PRDM5: variants seen among roughly 807,000 people sequenced by gnomAD.
The protein encoded by PRDM5 is PR domain zinc finger protein 5.
Under a neutral mutation model 81.2 loss-of-function variants are expected in PRDM5, and 56 were observed. That is an observed-to-expected ratio of 0.69 (90% confidence interval 0.56 to 0.86). The LOEUF (loss-of-function observed/expected upper bound fraction) is 0.86. PRDM5 is among the 40% of genes least tolerant of loss of function. The pLI is 0.00. For missense variants in PRDM5, 697 were observed against 770.1 expected (o/e 0.91, Z 1.12); for synonymous variants, 267 against 256.4 (o/e 1.04, Z -0.39).
At chr4:120,882,165 G>C (rs921442298) in intron 2 of PRDM5, among the ~76,000 whole-genome samples, 1 of 152,200 alleles carries the variant, frequency 6.6e-6, no homozygotes, top group Admixed American at 6.5e-5. Context: ...ATGGTGCCAG[G>C]AGAGTGTGTC....
chr4:120,759,520 A>G (rs145376570), intron 13 of PRDM5, among the ~76,000 whole-genome samples: 12 of 152,326 alleles, frequency 7.9e-5, no homozygotes, highest in Non-Finnish European at 1.3e-4. Context: ...TTGCATATTA[A>G]AGATAAATTG....
chr4:120,901,842 C>G lies in PRDM5; in HGVS notation c.177+5632G>C, dbSNP rs574533885. On this transcript the variant is annotated intron_variant, in intron 2 of 15. Transcript: ENST00000264808. ...GACCACCCAGTGTACTGAACTGTGG[C>G]ATAGCATATGACTCCACTTGCATCA... Among the ~76,000 whole-genome samples, 3 of 152,288 alleles carry G rather than the reference C, an allele frequency of 2.0e-5. No homozygotes were observed. In the East Asian group the frequency reaches 5.8e-4, roughly 29 times the overall value.
rs750569287 is a variant in PRDM5 at position 120,816,510 on chromosome 4, C to T, written c.808G>A (p.Gly270Arg). ...GCATCCTTGCTCTTCAGCCTCTTTC[C>T]ACAGCTGTCAGCCTTGCACACAAAC... ...ARFVCKADSCGKRLKSKDALK... is the reference protein window; with the variant it reads ...ARFVCKADSCRKRLKSKDALK... The change falls in exon 7 of 16, where the codon GGA (glycine) becomes AGA (arginine). Residue 270 changes from glycine (G) to arginine (R), a missense_variant. Transcript: ENST00000264808. 3.7e-6 allele frequency: 6 copies of T among 1,614,168 alleles called. No individual in the cohort carries two copies. The Admixed American group carries it at 5.0e-5, about 13-fold the overall frequency.
At chr4:120,905,317 G>A (rs1765674590) in intron 2 of PRDM5, among the ~76,000 whole-genome samples, 1 of 152,276 alleles carries the variant, frequency 6.6e-6, no homozygotes, top group South Asian at 2.1e-4. Flanking sequence ...GTAATACACT[G>A]ATAGTTTTAT....
Position 120,846,055 on chromosome 4 carries a change from TA to T in PRDM5, c.300+7362del, listed in dbSNP as rs1758618423. 2.6e-5 allele frequency among the ~76,000 whole-genome samples: 4 copies of T among 152,206 alleles called. No individual in the cohort carries two copies. The South Asian group carries it at 8.3e-4, about 32-fold the overall frequency. On this transcript the variant is annotated intron_variant, in intron 3 of 15. Coordinates refer to ENST00000264808, the MANE Select transcript of PRDM5 (RefSeq NM_018699.4). ...TGACTAAATTGATGTAATCTCATGA[TA>T]AAACTTGTATAGATGAGGAGTTGCT... is the stretch of plus-strand genomic sequence containing the variant.
chr4:120,883,453 T>C (rs1763064722), intron 2 of PRDM5, among the ~76,000 whole-genome samples: 1 of 152,064 alleles, frequency 6.6e-6, no homozygotes, highest in Admixed American at 6.6e-5. Context: ...TGCTAATGGT[T>C]TTACTTCTAA....
At chr4:120,738,136 T>C (rs529026078) in intron 14 of PRDM5, among the ~76,000 whole-genome samples, 8 of 152,318 alleles carry the variant, frequency 5.3e-5, no homozygotes, top group African/African-American at 1.9e-4. Context: ...AAGTCCCAAA[T>C]AGGGAACGTC....
At chr4:120,719,233 A>T (rs1738240048) in intron 14 of PRDM5, among the ~76,000 whole-genome samples, 1 of 152,216 alleles carries the variant, frequency 6.6e-6, no homozygotes, top group South Asian at 2.1e-4. Context: ...ACATTGCCAA[A>T]CGTCCCCTGG....
At chr4:120,858,675 A>G (rs554106052) in intron 2 of PRDM5, among the ~76,000 whole-genome samples, 1 of 152,234 alleles carries the variant, frequency 6.6e-6, no homozygotes, top group African/African-American at 2.4e-5. Context: ...GCTAATTGCT[A>G]TCTGGTAATC....
In PRDM5 at chr4:120,880,946, G is replaced by GA. The variant is rs143573981; in HGVS notation, c.177+26527dup. Reference sequence around the variant, plus strand: ...AGTTCAACGAAATATTGTATAAATTGAAAAACAACACTAAGCTTACCATTA... The same window carrying GA: ...AGTTCAACGAAATATTGTATAAATTGAAAAAACAACACTAAGCTTACCATTA... On this transcript the variant is annotated intron_variant, in intron 2 of 15. Coordinates refer to ENST00000264808, the MANE Select transcript of PRDM5 (RefSeq NM_018699.4). Among the ~76,000 whole-genome samples, 1,456 of 152,210 alleles carry GA rather than the reference G, an allele frequency of 9.6e-3. 18 individuals are homozygous for GA. The highest frequency in any genetic ancestry group is 0.033 in the African/African-American group (1,378 of 41,556).
chr4:120,743,673 C>CCAACAAAGATCAAAAG (rs1742481966), intron 14 of PRDM5, among the ~76,000 whole-genome samples: 1 of 74,262 alleles, frequency 1.3e-5, no homozygotes, highest in Admixed American at 1.5e-4. Flanking sequence ...AAGATCAAAA[C>CCAACAAAGATCAAAAG]AGACAAAGAA....
rs1734096597 is a variant in PRDM5 at position 120,692,196 on chromosome 4, G to T, written c.*2915C>A. On this transcript the variant is annotated 3_prime_UTR_variant, in exon 16 of 16. Coordinates refer to ENST00000264808, the MANE Select transcript of PRDM5 (RefSeq NM_018699.4). ...TCCTTTCATGCTTTTGTTTGAGAAA[G>T]GAAGCAGCACATAAAATCTAAAACA... The T allele has an allele frequency of 6.6e-6, 1 of 152,004 alleles. No homozygotes were observed. Among genetic ancestry groups the T allele is most frequent in the African/African-American group, 2.4e-5 (1 of 41,402 alleles). The allele number at this position is 152,004 out of a possible 1,614,324, so 9.4% of individuals were successfully genotyped here.
chr4:120,725,577 A>G (rs913677773), intron 14 of PRDM5, among the ~76,000 whole-genome samples: 1 of 152,192 alleles, frequency 6.6e-6, no homozygotes, highest in South Asian at 2.1e-4. Context: ...AACTTATTTC[A>G]AAAACCATGG....
chr4:120,740,036 T>C (rs992021096), intron 14 of PRDM5, among the ~76,000 whole-genome samples: 2 of 152,216 alleles, frequency 1.3e-5, no homozygotes, highest in African/African-American at 2.4e-5. Flanking sequence ...AAATGCCTTA[T>C]TGTGATAGAA....
intron 2 of PRDM5, among the ~76,000 whole-genome samples, chr4:120,899,066 C>T (rs1311047686): frequency 1.3e-5 from 2 of 152,198 alleles, no homozygotes; most frequent in Non-Finnish European, 2.9e-5. Flanking sequence ...ACTTCCTCCT[C>T]CATGAGAGAA....
chr4:120,757,985 C>T (rs1745033642), intron 13 of PRDM5, among the ~76,000 whole-genome samples: 1 of 151,946 alleles, frequency 6.6e-6, no homozygotes, highest in African/African-American at 2.4e-5. Context: ...ATGGAAGCTC[C>T]CAGTTCTCTG....
At chr4:120,796,469 T>A (rs1751367137) in intron 10 of PRDM5, among the ~76,000 whole-genome samples, 2 of 152,164 alleles carry the variant, frequency 1.3e-5, no homozygotes, top group African/African-American at 2.4e-5. Flanking sequence ...ATATGGCATA[T>A]AACATGAGCC....
Position 120,922,642 on chromosome 4 carries a change from C to T in PRDM5, c.-34G>A, listed in dbSNP as rs1207928854. 2.5e-6 allele frequency: 4 copies of T among 1,577,364 alleles called. No homozygotes were observed. The highest frequency in any genetic ancestry group is 2.6e-6 in the Non-Finnish European group (3 of 1,162,410). On this transcript the variant is annotated 5_prime_UTR_variant, in exon 1 of 16. Transcript: ENST00000264808. ...GCGCGGCGGCCGCCGCCTCTCTCAA[C>T]ACCGGCGCTTAGCGCCCGGCAGGCG...
At chr4:120,846,294 C>A (rs1325993017) in intron 3 of PRDM5, among the ~76,000 whole-genome samples, 1 of 152,150 alleles carries the variant, frequency 6.6e-6, no homozygotes, top group Non-Finnish European at 1.5e-5. Flanking sequence ...TACACAGAAA[C>A]CTTTTGTGAA....
Sources: allele counts gnomAD v4.1 joint callset (sites outside exome capture counted in the v4.1 genomes callset), GRCh38; gene constraint gnomAD v4.1.1; transcripts MANE v1.5; gene names NCBI Gene and HGNC (gene_info 2026-07-23, HGNC 2026-07-21).